The following ARHGAP6 variants were observed in gnomAD, a reference collection of about 807,000 sequenced individuals.
ARHGAP6 encodes Rho GTPase activating protein 6.
A neutral mutation model predicts 55.7 loss-of-function variants in ARHGAP6; 16 were observed. The ratio of observed to expected loss-of-function variants is 0.29; its 90% CI spans 0.19 to 0.44. The LOEUF is 0.44. ARHGAP6 is among the 20% of genes least tolerant of loss of function. The probability of loss-of-function intolerance (pLI) is 1.00; values close to 1 mark genes in which losing one functional copy is unlikely to be tolerated. For missense variants in ARHGAP6, 698 were observed against 808.9 expected (o/e 0.86, Z 1.66); for synonymous variants, 382 against 360.9 (o/e 1.06, Z -0.66).
chrX:11,398,262 T>TAAAAAAAAAAAAAAAAAAA (rs60548732), intron 1 of ARHGAP6, among the ~76,000 whole-genome samples: 1 of 58,833 alleles, frequency 1.7e-5, no homozygotes, highest in Non-Finnish European at 3.5e-5. Context: ...GTAAGTGCTA[T>TAAAAAAAAAAAAAAAAAAA]AAAAAAAAAA....
chrX:11,657,415 G>A (rs1029103511), intron 1 of ARHGAP6, among the ~76,000 whole-genome samples: 6 of 108,659 alleles, frequency 5.5e-5, no homozygotes, highest in Admixed American at 2.0e-4. Context: ...ACACTGCAGC[G>A]TTCGAAAACT....
At chrX:11,309,214 A>G (rs1447061109) in intron 1 of ARHGAP6, among the ~76,000 whole-genome samples, 1 of 111,785 alleles carries the variant, frequency 8.9e-6, no homozygotes, top group African/African-American at 3.3e-5. Flanking sequence ...CGAAACACAG[A>G]GCCTGAAATA....
At chrX:11,440,579 C>T (rs918322704) in intron 1 of ARHGAP6, among the ~76,000 whole-genome samples, 5 of 111,689 alleles carry the variant, frequency 4.5e-5, no homozygotes, top group Admixed American at 3.8e-4. Flanking sequence ...GGACATTCCC[C>T]GATTCACCTC....
chrX:11,165,285 T>C (rs1191730785), intron 9 of ARHGAP6, among the ~76,000 whole-genome samples: 1 of 111,731 alleles, frequency 9.0e-6, no homozygotes, highest in Admixed American at 9.5e-5. Context: ...CTTTATAAGG[T>C]TTGTATTCTG....
At chrX:11,372,771 C>CAAAA (rs1171647934) in intron 1 of ARHGAP6, among the ~76,000 whole-genome samples, 71 of 14,353 alleles carry the variant, frequency 4.9e-3, no homozygotes, top group Non-Finnish European at 6.0e-3. Flanking sequence ...GACTCCATCT[C>CAAAA]AAAAAAAAAA....
chrX:11,620,469 G>A (rs1188474375), intron 1 of ARHGAP6, among the ~76,000 whole-genome samples: 4 of 112,528 alleles, frequency 3.6e-5, no homozygotes, highest in Admixed American at 2.8e-4. Context: ...AATAGTGAGT[G>A]TGGTTGAAGC....
chrX:11,298,122 T>C, intron 1 of ARHGAP6: 9 of 1,211,861 alleles, frequency 7.4e-6, no homozygotes, highest in Non-Finnish European at 1.0e-5. Flanking sequence ...TCTCAGGCTA[T>C]CAATGTTGAC....
At chrX:11,337,583 T>C (rs951508613) in intron 1 of ARHGAP6, among the ~76,000 whole-genome samples, 2 of 112,463 alleles carry the variant, frequency 1.8e-5, no homozygotes, top group Admixed American at 1.9e-4. Context: ...TTCATATCAG[T>C]GCCACTCACA....
chrX:11,186,782 TAGTC>T (rs2046391642), intron 4 of ARHGAP6, among the ~76,000 whole-genome samples: 1 of 111,671 alleles, frequency 9.0e-6, no homozygotes, highest in Admixed American at 9.5e-5. Flanking sequence ...ATCAATGAGG[TAGTC>T]AGAGAAGTCT....
At chrX:11,377,210 G>A (rs762949592) in intron 1 of ARHGAP6, among the ~76,000 whole-genome samples, 1 of 112,176 alleles carries the variant, frequency 8.9e-6, no homozygotes, top group South Asian at 3.7e-4. Context: ...GCCCAGCATA[G>A]TGCTTGGCAC....
chrX:11,575,874 G>C (rs2051590765), intron 1 of ARHGAP6, among the ~76,000 whole-genome samples: 1 of 112,439 alleles, frequency 8.9e-6, no homozygotes, highest in South Asian at 3.7e-4. Flanking sequence ...TTATTTAACA[G>C]CTGCAGTTCA....
chrX:11,373,886 AGTTGATTG>A (rs747790912), intron 1 of ARHGAP6, among the ~76,000 whole-genome samples: 30 of 112,300 alleles, frequency 2.7e-4, no homozygotes, highest in African/African-American at 9.4e-4. Context: ...AATGAGATTA[AGTTGATTG>A]GTACTCTACA....
intron 3 of ARHGAP6, among the ~76,000 whole-genome samples, chrX:11,192,848 G>T (rs1335578950): frequency 9.0e-6 from 1 of 111,679 alleles, no homozygotes; most frequent in East Asian, 2.8e-4. Flanking sequence ...GCTCAGTTTA[G>T]GAAGCACATT....
intron 2 of ARHGAP6, among the ~76,000 whole-genome samples, chrX:11,217,846 G>A (rs774637516): frequency 8.9e-6 from 1 of 111,931 alleles, no homozygotes; most frequent in African/African-American, 3.2e-5. Context: ...AAGGTTTTAG[G>A]TCTTACGTTT....
At position 11,424,149 on chromosome X, in the gene ARHGAP6, G is replaced by A. The variant is rs188568465; in HGVS notation, c.589-169442C>T. The stretch of plus-strand genomic sequence containing the variant: ...GGATCGCAGAGGGATGATTAGGTTC[G>A]ACTATCCTCATTGTCTAAATGACTC... On this transcript the variant is annotated intron_variant, in intron 1 of 12. Coordinates refer to ENST00000337414, the MANE Select transcript of ARHGAP6 (RefSeq NM_013427.3). Among the ~76,000 whole-genome samples, 6 of 112,069 alleles carry A rather than the reference G, an allele frequency of 5.4e-5. No individual in the cohort carries two copies. The East Asian group carries it at 8.4e-4, about 16-fold the overall frequency.
At chrX:11,446,249 AGAGT>A (rs764076603) in intron 1 of ARHGAP6, among the ~76,000 whole-genome samples, 2 of 112,000 alleles carry the variant, frequency 1.8e-5, no homozygotes, top group African/African-American at 6.5e-5. Context: ...TTCCATGTCC[AGAGT>A]GAGAAAGGCA....
intron 1 of ARHGAP6, among the ~76,000 whole-genome samples, chrX:11,266,561 AC>A (rs1426335839): frequency 9.2e-6 from 1 of 108,947 alleles, no homozygotes; most frequent in Non-Finnish European, 1.9e-5. Flanking sequence ...GAGTGAATAT[AC>A]CCACATGGCC....
chrX:11,333,947 C>G lies in ARHGAP6; in HGVS notation c.589-79240G>C, dbSNP rs184839997. Among the ~76,000 whole-genome samples, 4 of 111,856 alleles carry G rather than the reference C, an allele frequency of 3.6e-5. No individual in the cohort carries two copies. The East Asian group carries it at 1.1e-3, about 31-fold the overall frequency. On this transcript the variant is annotated intron_variant, in intron 1 of 12. Coordinates refer to ENST00000337414, the MANE Select transcript of ARHGAP6 (RefSeq NM_013427.3). ...AAGTTTTTTGGTGCTATGAGTTTCT[C>G]ACACATGTAAACCCTTTCGGAAAAG...
chrX:11,175,065 C>T (rs1451249051), intron 8 of ARHGAP6, among the ~76,000 whole-genome samples: 1 of 111,518 alleles, frequency 9.0e-6, no homozygotes, highest in Non-Finnish European at 1.9e-5. Flanking sequence ...ATACAAAAGC[C>T]TCCTAACTCA....
Sources: gnomAD v4.1 joint callset for allele counts (sites outside exome capture counted in the v4.1 genomes callset) on GRCh38, gnomAD v4.1.1 for gene constraint, MANE v1.5 for transcripts, NCBI Gene and HGNC (gene_info 2026-07-23, HGNC 2026-07-21) for gene names.